The following CEP112 variants were observed in gnomAD, a reference collection of about 807,000 sequenced individuals.
CEP112 encodes the protein centrosomal protein of 112 kDa.
CEP112 carries 127 observed loss-of-function variants against 153.0 expected under a neutral mutation model. That is an observed-to-expected ratio of 0.83 (90% CI 0.72 to 0.96). The LOEUF (loss-of-function observed/expected upper bound fraction) is 0.96, where lower values mean the gene tolerates loss of function less well. CEP112 is among the 40% of genes least tolerant of loss of function. The pLI is 0.00. For synonymous variants in CEP112, 358 were observed against 374.4 expected (o/e 0.96, Z 0.51); for missense variants, 1,089 against 1,101.2 (o/e 0.99, Z 0.16).
intron 18 of CEP112, among the ~76,000 whole-genome samples, chr17:65,944,706 C>G (rs567387766): frequency 1.3e-5 from 2 of 152,182 alleles, no homozygotes; most frequent in Admixed American, 1.3e-4. Flanking sequence ...CATCTTACCT[C>G]AACCTCTGGA....
At chr17:65,723,759 A>C (rs1280472703) in intron 23 of CEP112, among the ~76,000 whole-genome samples, 3 of 152,196 alleles carry the variant, frequency 2.0e-5, no homozygotes, top group Non-Finnish European at 4.4e-5. Flanking sequence ...CAAAGGAACA[A>C]TCTCCCCTTT....
chr17:65,845,227 G>A (rs1474716983), intron 21 of CEP112, among the ~76,000 whole-genome samples: 1 of 152,320 alleles, frequency 6.6e-6, no homozygotes, highest in East Asian at 1.9e-4. Context: ...GCTGAGGCAG[G>A]AGAATCACTT....
intron 21 of CEP112, among the ~76,000 whole-genome samples, chr17:65,769,502 T>G (rs1445158154): frequency 6.6e-6 from 1 of 152,118 alleles, no homozygotes; most frequent in Non-Finnish European, 1.5e-5. Context: ...TCACAAATCC[T>G]GATTTAAAAT....
At chr17:65,844,226 A>C (rs1275516444) in intron 21 of CEP112, among the ~76,000 whole-genome samples, 5 of 152,220 alleles carry the variant, frequency 3.3e-5, no homozygotes, top group African/African-American at 1.2e-4. Flanking sequence ...TCTACAGACT[A>C]AGTAGATACT....
chr17:66,170,424 G>A (rs2072195843), intron 4 of CEP112, among the ~76,000 whole-genome samples: 1 of 152,156 alleles, frequency 6.6e-6, no homozygotes. Flanking sequence ...ATTTTCTAAA[G>A]TCATGCTCCA....
chr17:66,061,907 A>G (rs2066934948), intron 11 of CEP112, among the ~76,000 whole-genome samples: 2 of 152,132 alleles, frequency 1.3e-5, no homozygotes, highest in African/African-American at 4.8e-5. Flanking sequence ...CATAATCCCT[A>G]TGTGTCAAAG....
At chr17:65,636,023 T>A (rs1395583177) in intron 26 of CEP112, 49 bp from the exon 27 acceptor site, 1 of 1,572,958 alleles carries the variant, frequency 6.4e-7, no homozygotes. Flanking sequence ...TTAACAGGTA[T>A]GTCAATCAAA....
intron 21 of CEP112, among the ~76,000 whole-genome samples, chr17:65,791,753 A>G (rs1349252428): frequency 6.6e-6 from 1 of 152,212 alleles, no homozygotes; most frequent in Admixed American, 6.5e-5. Flanking sequence ...TAAATGCAGT[A>G]AAAACCAAAG....
At chr17:66,143,510 T>G (rs1440670522) in intron 4 of CEP112, among the ~76,000 whole-genome samples, 1 of 152,210 alleles carries the variant, frequency 6.6e-6, no homozygotes, top group African/African-American at 2.4e-5. Context: ...CATAAGGGTG[T>G]TGTACTACAG....
At position 66,165,202 on chromosome 17, in the gene CEP112, G is replaced by A. The variant is rs2071899534; in HGVS notation, c.470+9842C>T. Reference sequence around the variant, plus strand: ...GTCAGTCAGGTTTTGCAATGGCCAAGCAGAAGATTCGGATCTGGTACTGTT... The same window carrying A: ...GTCAGTCAGGTTTTGCAATGGCCAAACAGAAGATTCGGATCTGGTACTGTT... On this transcript the variant is annotated intron_variant, in intron 4 of 26. Coordinates refer to ENST00000535342, the MANE Select transcript of CEP112 (RefSeq NM_001199165.4). Among the ~76,000 whole-genome samples, 4 of 150,602 alleles carry A rather than the reference G, an allele frequency of 2.7e-5. No homozygotes were observed. The South Asian group carries it at 8.4e-4, about 32-fold the overall frequency.
intron 18 of CEP112, among the ~76,000 whole-genome samples, chr17:65,941,762 G>A (rs965448777): frequency 4.7e-5 from 7 of 148,978 alleles, no homozygotes; most frequent in Non-Finnish European, 1.0e-4. Context: ...AATAAAGTGT[G>A]TTAGGTTTTT....
chr17:65,831,868 G>C (rs1469375878), intron 21 of CEP112, among the ~76,000 whole-genome samples: 2 of 152,016 alleles, frequency 1.3e-5, no homozygotes, highest in Non-Finnish European at 2.9e-5. Flanking sequence ...AAGATTTATA[G>C]GGAAAACAAC....
At chr17:66,187,050 A>T (rs183785336) in intron 1 of CEP112, among the ~76,000 whole-genome samples, 1 of 150,496 alleles carries the variant, frequency 6.6e-6, no homozygotes, top group Admixed American at 6.6e-5. Context: ...ATCTCCACTC[A>T]CTCCTTCCCC....
chr17:66,081,391 C>A (rs1341717192), intron 8 of CEP112, among the ~76,000 whole-genome samples: 2 of 151,988 alleles, frequency 1.3e-5, no homozygotes, highest in Non-Finnish European at 2.9e-5. Context: ...GGTCAGACAG[C>A]AGGCTTCTTA....
At chr17:66,166,791 C>T (rs2071978973) in intron 4 of CEP112, among the ~76,000 whole-genome samples, 1 of 151,688 alleles carries the variant, frequency 6.6e-6, no homozygotes. Context: ...GTAATCCCAG[C>T]TACTCAGGAG....
intron 17 of CEP112, among the ~76,000 whole-genome samples, chr17:65,998,025 AC>A (rs1246197240): frequency 6.6e-6 from 1 of 152,164 alleles, no homozygotes; most frequent in Non-Finnish European, 1.5e-5. Flanking sequence ...TCAGAAAAAA[AC>A]AATCATTATT....
chr17:65,789,335 A>G (rs2054463778), intron 21 of CEP112, among the ~76,000 whole-genome samples: 2 of 151,964 alleles, frequency 1.3e-5, no homozygotes, highest in South Asian at 2.1e-4. Context: ...TTCACTCTAG[A>G]TATTTCATTT....
At chr17:65,945,603 T>C (rs1568272871) in intron 18 of CEP112, among the ~76,000 whole-genome samples, 1 of 152,146 alleles carries the variant, frequency 6.6e-6, no homozygotes, top group Non-Finnish European at 1.5e-5. Flanking sequence ...AGCATTGTGG[T>C]TTTATTTTTG....
intron 20 of CEP112, among the ~76,000 whole-genome samples, chr17:65,898,305 C>A (rs1253015676): frequency 6.6e-6 from 1 of 152,062 alleles, no homozygotes; most frequent in African/African-American, 2.4e-5. Context: ...AATGTTCAAG[C>A]CCCTGGATGC....
Sources: gnomAD v4.1 joint callset for allele counts (sites outside exome capture counted in the v4.1 genomes callset) on GRCh38, gnomAD v4.1.1 for gene constraint, MANE v1.5 for transcripts, NCBI Gene and HGNC (gene_info 2026-07-23, HGNC 2026-07-21) for gene names.